Variants in CBLN2 observed in about 807,000 individuals in gnomAD.
CBLN2 encodes cerebellin 2 precursor.
Under a neutral mutation model 15.0 loss-of-function variants are expected in CBLN2, and 7 were observed. That is an observed-to-expected ratio of 0.47 (90% CI 0.27 to 0.88). The LOEUF is 0.88. Among genes scored for constraint, CBLN2 ranks in the 40% least tolerant of loss-of-function variants. CBLN2 has a pLI of 0.14. For synonymous variants in CBLN2, 149 were observed against 135.2 expected, an observed-to-expected ratio of 1.10 and a Z score of -0.71; for missense variants, 242 against 304.5, an observed-to-expected ratio of 0.79 and a Z score of 1.53.
intron 1 of CBLN2, among the ~76,000 whole-genome samples, chr18:72,626,133 C>G (rs1253018416): frequency 6.6e-6 from 1 of 151,874 alleles, no homozygotes; most frequent in African/African-American, 2.4e-5. Flanking sequence ...AGGGTTATCT[C>G]CCGTTCGGCA....
chr18:72,616,662 C>A (rs965892640), intron 1 of CBLN2, among the ~76,000 whole-genome samples: 2 of 152,132 alleles, frequency 1.3e-5, no homozygotes, highest in Non-Finnish European at 2.9e-5. Context: ...TAATGGTTTA[C>A]AGAGATCTTT....
At chr18:72,572,901 A>G (rs1020199252) in intron 1 of CBLN2, among the ~76,000 whole-genome samples, 17 of 152,264 alleles carry the variant, frequency 1.1e-4, no homozygotes, top group African/African-American at 3.8e-4. Flanking sequence ...TAAGTATGCT[A>G]AAGAATAAGA....
At chr18:72,577,661 C>T (rs1599007700) in intron 1 of CBLN2, among the ~76,000 whole-genome samples, 1 of 152,194 alleles carries the variant, frequency 6.6e-6, no homozygotes, top group Admixed American at 6.5e-5. Context: ...CAAAGTTTCC[C>T]AGGTACGCTC....
intron 1 of CBLN2, among the ~76,000 whole-genome samples, chr18:72,630,255 T>G (rs1047834770): frequency 6.6e-6 from 1 of 152,068 alleles, no homozygotes. Flanking sequence ...ACAGGAAGCT[T>G]AAGTGGGTCA....
chr18:72,600,976 A>G (rs767252738), intron 1 of CBLN2, among the ~76,000 whole-genome samples: 9 of 152,216 alleles, frequency 5.9e-5, no homozygotes, highest in Non-Finnish European at 1.2e-4. Flanking sequence ...CAAAAGGCCA[A>G]TCTTAGGTTC....
rs537476322 is a variant in CBLN2 at position 72,543,602 on chromosome 18, G to A, written c.-211-72C>T. 1.5e-5 allele frequency: 6 copies of A among 394,464 alleles called. No homozygotes were observed. The highest frequency in any genetic ancestry group is 2.2e-5 in the Non-Finnish European group (5 of 223,710). 24.4% of individuals were successfully genotyped at this position (394,464 alleles called of 1,614,324 possible). A position where few individuals can be genotyped will look rare whatever the true frequency, so the allele number is the denominator to read the frequency against. ...CGGAGCGCGACCCTGCTCCCAGCGCGTGGCCAATAACCGCGCCGCCCCGCC... is the reference window on the plus strand; with the variant it reads ...CGGAGCGCGACCCTGCTCCCAGCGCATGGCCAATAACCGCGCCGCCCCGCC... On this transcript the variant is annotated intron_variant, in intron 1 of 4. Coordinates refer to ENST00000269503, the MANE Select transcript of CBLN2 (RefSeq NM_182511.4). The surrounding 1 kb of genome is among the most constrained non-coding windows in gnomAD (Gnocchi z 6.8).
chr18:72,604,792 T>G (rs1011633313), intron 1 of CBLN2, among the ~76,000 whole-genome samples: 1 of 152,232 alleles, frequency 6.6e-6, no homozygotes, highest in Admixed American at 6.5e-5. Context: ...CCTCACCAGA[T>G]GCAGGCCCTC....
At chr18:72,580,699 T>C (rs2069397217) in intron 1 of CBLN2, among the ~76,000 whole-genome samples, 1 of 152,256 alleles carries the variant, frequency 6.6e-6, no homozygotes, top group Admixed American at 6.5e-5. Context: ...AAGTATTTTA[T>C]TGTGTAAATA....
intron 1 of CBLN2, among the ~76,000 whole-genome samples, chr18:72,568,966 C>T (rs2069313556): frequency 6.6e-6 from 1 of 152,148 alleles, no homozygotes; most frequent in African/African-American, 2.4e-5. Context: ...TCATATTCAG[C>T]TTAAAAGTCA....
intron 1 of CBLN2, among the ~76,000 whole-genome samples, chr18:72,611,465 G>A (rs375468548): frequency 2.6e-5 from 4 of 152,050 alleles, no homozygotes; most frequent in East Asian, 1.9e-4. Context: ...GTATTTAACC[G>A]TGGTTTTTAT....
chr18:72,585,286 A>G (rs535421233), intron 1 of CBLN2, among the ~76,000 whole-genome samples: 58 of 152,288 alleles, frequency 3.8e-4, no homozygotes, highest in Middle Eastern at 3.4e-3. Context: ...TAGTCCCACA[A>G]TTTGGCAGGT....
chr18:72,595,478 GAA>G (rs1268419000), intron 1 of CBLN2, among the ~76,000 whole-genome samples: 1 of 152,076 alleles, frequency 6.6e-6, no homozygotes, highest in East Asian at 1.9e-4. Flanking sequence ...GTGCTGAAGA[GAA>G]AAATGTGTAT....
chr18:72,567,040 C>T lies in CBLN2; in HGVS notation c.16-28268G>A, dbSNP rs182894466. Among the ~76,000 whole-genome samples the T allele has an allele frequency of 4.6e-3, 696 of 152,150 alleles. 3 individuals carry two copies. The highest frequency in any genetic ancestry group is 0.034 in the Middle Eastern group (10 of 294). ...GTTTCGCCATGTTGTCCAAGCTCGT[C>T]TGGAACTCCTAGGCTCAAGCAATCC... On this transcript the variant is annotated intron_variant, in intron 1 of 2. Transcript: ENST00000581073.
intron 1 of CBLN2, among the ~76,000 whole-genome samples, chr18:72,588,476 G>C (rs952561359): frequency 3.3e-5 from 5 of 152,148 alleles, no homozygotes; most frequent in Non-Finnish European, 5.9e-5. Flanking sequence ...CCTCTATCTA[G>C]TTCAAACACA....
chr18:72,569,690 G>A (rs181841076), intron 1 of CBLN2, among the ~76,000 whole-genome samples: 54 of 152,150 alleles, frequency 3.5e-4, no homozygotes, highest in Non-Finnish European at 6.5e-4. Flanking sequence ...GAGGGAGCAG[G>A]TGCTACACTC....
chr18:72,547,793 C>T (rs1331640623), upstream of CBLN2, among the ~76,000 whole-genome samples: 2 of 152,034 alleles, frequency 1.3e-5, no homozygotes, highest in East Asian at 1.9e-4. Context: ...AGTGTTCTCC[C>T]GTAGAAATAA....
chr18:72,586,434 A>T (rs2069443821), intron 1 of CBLN2, among the ~76,000 whole-genome samples: 1 of 152,196 alleles, frequency 6.6e-6, no homozygotes, highest in Admixed American at 6.5e-5. Flanking sequence ...AACTTCTTAA[A>T]TGGAACCAAG....
chr18:72,551,976 G>A (rs1206725340), intron 1 of CBLN2, among the ~76,000 whole-genome samples: 1 of 152,028 alleles, frequency 6.6e-6, no homozygotes. Context: ...GTTTCTTTGT[G>A]TATGTGATTG....
intron 1 of CBLN2, among the ~76,000 whole-genome samples, chr18:72,562,057 T>C (rs1408873505): frequency 6.6e-6 from 1 of 152,206 alleles, no homozygotes; most frequent in Non-Finnish European, 1.5e-5. Context: ...CCAAATTTAT[T>C]GTTTTATGTG....
Sources: allele counts gnomAD v4.1 joint callset (sites outside exome capture counted in the v4.1 genomes callset), GRCh38; gene constraint gnomAD v4.1.1; non-coding constraint Gnocchi (gnomAD v3.1); transcripts MANE v1.5; gene names NCBI Gene and HGNC (gene_info 2026-07-23, HGNC 2026-07-21).